Variants in CYLD observed in about 807,000 individuals in gnomAD.
The protein encoded by CYLD is CYLD lysine 63 deubiquitinase.
CYLD carries 26 observed loss-of-function variants against 104.5 expected under a neutral mutation model. The ratio of observed to expected loss-of-function variants is 0.25; its 90% CI spans 0.18 to 0.35. CYLD has a LOEUF of 0.35. Among genes scored for constraint, CYLD ranks in the 10% least tolerant of loss-of-function variants. CYLD has a pLI of 1.00. For synonymous variants in CYLD, 385 were observed against 399.9 expected (o/e 0.96, Z 0.45); for missense variants, 703 against 1,136.1 (o/e 0.62, Z 5.48).
intron 7 of CYLD, 55 bp downstream of exon 7, chr16:50,776,332 T>C: frequency 1.6e-6 from 2 of 1,237,292 alleles, no homozygotes; most frequent in Middle Eastern, 1.9e-4. Flanking sequence ...TAACTTGCCA[T>C]AGCATTAAAA....
chr16:50,776,321 C>G (rs1404551988), intron 7 of CYLD, 44 bp downstream of exon 7: 1 of 1,302,152 alleles, frequency 7.7e-7, no homozygotes, highest in Non-Finnish European at 1.1e-6. Flanking sequence ...TGCATAATGC[C>G]TAACTTGCCA....
chr16:50,783,895 C>A (rs1331322407), intron 11 of CYLD: 5 of 194,818 alleles, frequency 2.6e-5, no homozygotes, highest in Non-Finnish European at 5.4e-5. Flanking sequence ...TGTAATAGAT[C>A]TTTGCAAAGG....
rs545961666 is a variant in CYLD, at chr16:50,794,084, C to A, written c.2470-128C>A. The A allele has an allele frequency of 1.7e-5, 14 of 830,016 alleles. No homozygotes were observed. The African/African-American group carries it at 2.0e-4, about 12-fold the overall frequency. 51.4% of individuals were successfully genotyped at this position (830,016 alleles called of 1,614,324 possible). On this transcript the variant is annotated intron_variant, in intron 17 of 18. Transcript: ENST00000427738. This position sits in a 1 kb window ranked among gnomAD's most constrained non-coding sequence, Gnocchi z 4.1. Reference sequence around the variant, plus strand: ...CTGGGACTGCAGGCGCCTGCCACCACGCCCAGCTAATTTTTGTATTTTTAA... The same window carrying A: ...CTGGGACTGCAGGCGCCTGCCACCAAGCCCAGCTAATTTTTGTATTTTTAA...
chr16:50,793,730 C>T (rs536538675), intron 17 of CYLD, 66 bp downstream of exon 17: 2 of 1,061,382 alleles, frequency 1.9e-6, no homozygotes, highest in Non-Finnish European at 2.9e-6. Flanking sequence ...GTTGAAAACA[C>T]AATGCTCGTT....
Position 50,798,584 on chromosome 16 carries a change from C to T in CYLD, c.*2076C>T, listed in dbSNP as rs973763387. ...AACCCCTGCAGATACTAAGGGCTGA[C>T]GATCTAGGTAAGACTGGATTTAACA... On this transcript the variant is annotated 3_prime_UTR_variant, in exon 19 of 19. Transcript: ENST00000427738. 2.7e-5 allele frequency: 6 copies of T among 224,080 alleles called. No homozygotes were observed. Among genetic ancestry groups the T allele is most frequent in the African/African-American group, 1.2e-4 (5 of 42,358 alleles). The allele number at this position is 224,080 out of a possible 1,614,324, so 13.9% of individuals were successfully genotyped here.
At chr16:50,754,291 AT>A in intron 4 of CYLD, 27 bp from the exon 5 acceptor site, 1 of 1,395,894 alleles carries the variant, frequency 7.2e-7, no homozygotes, top group Non-Finnish European at 1.0e-6. Context: ...ATTGAGGAGG[AT>A]TTTAATGTTT....
intron 5 of CYLD, among the ~76,000 whole-genome samples, chr16:50,766,371 C>T (rs1968520399): frequency 6.6e-6 from 1 of 152,182 alleles, no homozygotes; most frequent in Admixed American, 6.5e-5. Flanking sequence ...AAAAGGATTC[C>T]TTTCAAAACA....
At chr16:50,752,808 T>C (rs1191323947) in intron 4 of CYLD, among the ~76,000 whole-genome samples, 3 of 152,234 alleles carry the variant, frequency 2.0e-5, no homozygotes, top group African/African-American at 7.2e-5. Flanking sequence ...AATGTTTCCT[T>C]ACAATCATAC....
intron 7 of CYLD, among the ~76,000 whole-genome samples, chr16:50,777,022 A>G (rs1969756586): frequency 1.3e-5 from 2 of 152,192 alleles, no homozygotes; most frequent in Admixed American, 1.3e-4. Context: ...TCTATATAGG[A>G]TAGCTCAAAC....
At chr16:50,784,178 G>A (rs2151006048) in intron 11 of CYLD, 151 bp from the exon 12 acceptor site, 1 of 736,164 alleles carries the variant, frequency 1.4e-6, no homozygotes, top group Non-Finnish European at 2.3e-6. Flanking sequence ...ATCTTCACAG[G>A]GGTCCTGGTA....
intron 8 of CYLD, 71 bp downstream of exon 8, chr16:50,778,012 A>T (rs759296512): frequency 7.4e-5 from 66 of 894,080 alleles, no homozygotes; most frequent in Non-Finnish European, 1.2e-4. Context: ...ATGGTTTTTT[A>T]TATCAATATT....
intron 5 of CYLD, among the ~76,000 whole-genome samples, chr16:50,769,872 A>C (rs1486318955): frequency 6.6e-6 from 1 of 152,226 alleles, no homozygotes; most frequent in Non-Finnish European, 1.5e-5. Context: ...AGTCATTTCA[A>C]GAATGTTACA....
chr16:50,750,394 A>G (rs1966522782), intron 3 of CYLD, among the ~76,000 whole-genome samples, 192 bp downstream of exon 3: 1 of 152,216 alleles, frequency 6.6e-6, no homozygotes. Context: ...AAACTTGCTT[A>G]TAGTTGTCAC....
intron 3 of CYLD, 81 bp downstream of exon 3, chr16:50,750,283 T>A: frequency 6.7e-7 from 1 of 1,481,484 alleles, no homozygotes; most frequent in Admixed American, 1.7e-5. Flanking sequence ...TACATATTTT[T>A]CTCCTTAAAT....
At chr16:50,756,820 G>A (rs745574546) in intron 5 of CYLD, among the ~76,000 whole-genome samples, 4 of 152,166 alleles carry the variant, frequency 2.6e-5, no homozygotes, top group Non-Finnish European at 4.4e-5. Context: ...CTGATAAAAA[G>A]CTGGGGCTCG....
rs1968758388 is a variant in CYLD at position 50,768,424 on chromosome 16, A to G, written c.914-6742A>G. ...GCCCAATTACCTTCATCCGTGAAAC[A>G]AAATTAATATTTACAGCATTTAAAA... On this transcript the variant is annotated intron_variant, in intron 5 of 18. Coordinates refer to ENST00000427738, the MANE Select transcript of CYLD (RefSeq NM_001378743.1). Among the ~76,000 whole-genome samples, 4 of 152,150 alleles carry G rather than the reference A, an allele frequency of 2.6e-5. No homozygotes were observed. In the South Asian group the frequency reaches 8.3e-4, roughly 31 times the overall value.
chr16:50,765,516 C>T (rs1968405525), intron 5 of CYLD, among the ~76,000 whole-genome samples: 1 of 152,120 alleles, frequency 6.6e-6, no homozygotes, highest in African/African-American at 2.4e-5. Flanking sequence ...CCTACAATGG[C>T]CTCTAAGTGT....
chr16:50,780,019 A>C lies in CYLD; in HGVS notation c.1493A>C (p.Asn498Thr). Residue 498 changes from asparagine (N) to threonine (T), a missense_variant, in exon 9 of 19, where the codon AAT becomes ACT. Asn to Thr is a moderately conservative substitution (Grantham distance 65). Transcript: ENST00000427738. ...TGGATCGGTCAGCCACCAGGACTGAATGAAGTGCTCGCTGGACTGGAACTG... is the reference window on the plus strand; with the variant it reads ...TGGATCGGTCAGCCACCAGGACTGACTGAAGTGCTCGCTGGACTGGAACTG... Reference protein sequence around the residue: ...IRWIGQPPGLNEVLAGLELED... With the variant: ...IRWIGQPPGLTEVLAGLELED... 6.2e-7 allele frequency: 1 copy of C among 1,614,146 alleles called. No homozygotes were observed. Among genetic ancestry groups the C allele is most frequent in the Non-Finnish European group, 8.5e-7 (1 of 1,179,984 alleles).
chr16:50,781,855 A>G (rs1332911296), intron 10 of CYLD, among the ~76,000 whole-genome samples: 2 of 152,168 alleles, frequency 1.3e-5, no homozygotes, highest in African/African-American at 4.8e-5. Flanking sequence ...CATCATGTGT[A>G]ATTGGTGGCA....
Sources: allele counts gnomAD v4.1 joint callset (sites outside exome capture counted in the v4.1 genomes callset), GRCh38; gene constraint gnomAD v4.1.1; non-coding constraint Gnocchi (gnomAD v3.1); transcripts MANE v1.5; gene names NCBI Gene and HGNC (gene_info 2026-07-23, HGNC 2026-07-21).